The following CDK18 variants were observed in gnomAD, a reference collection of about 807,000 sequenced individuals.
CDK18 encodes the protein cyclin-dependent kinase 18.
A neutral mutation model predicts 62.0 loss-of-function variants in CDK18; 52 were observed. That is an observed-to-expected ratio of 0.84 (90% CI 0.67 to 1.06). CDK18 has a LOEUF of 1.06. Ranked by LOEUF, CDK18 falls within the 50% of genes least tolerant of loss-of-function variation. The pLI is 0.00. For missense variants in CDK18, 604 were observed against 619.9 expected, an observed-to-expected ratio of 0.97 and a Z score of 0.27; for synonymous variants, 237 against 247.0, an observed-to-expected ratio of 0.96 and a Z score of 0.38.
rs764850382 is a variant in CDK18 at position 205,531,389 on chromosome 1, C to T, written c.*11C>T. 93 of 1,613,260 alleles carry T rather than the reference C, an allele frequency of 5.8e-5. No homozygotes were observed. Among genetic ancestry groups the T allele is most frequent in the Non-Finnish European group, 7.0e-5 (82 of 1,179,266 alleles). On this transcript the variant is annotated 3_prime_UTR_variant, in exon 16 of 16. Coordinates refer to ENST00000429964, the MANE Select transcript of CDK18 (RefSeq NM_212502.3). ...CAGAGCATCTTCTGAGCCACGCCCA[C>T]CTTGCTGTGGCCAAGGGACAAGAGA...
At chr1:205,529,856 A>C (rs1004576302) in intron 13 of CDK18, 8 of 1,343,876 alleles carry the variant, frequency 6.0e-6, no homozygotes, top group Middle Eastern at 3.7e-4. Flanking sequence ...CTATTTTATA[A>C]GATGGCCGTG....
At position 205,523,669 on chromosome 1, in the gene CDK18, C is replaced by T. The variant is rs201468269; in HGVS notation, c.273+44C>T. On this transcript the variant is annotated intron_variant, in intron 3 of 15. Transcript: ENST00000429964. ...CTGCCCCGGCAGGTGGCAGGATGCA[C>T]GCACAAGGGTGTGCACAGGAGGGCA... 50 of 1,545,524 alleles carry T rather than the reference C, an allele frequency of 3.2e-5. No individual in the cohort carries two copies. In the African/African-American group the frequency reaches 4.8e-4, roughly 15 times the overall value.
In CDK18 at chr1:205,531,601, T is replaced by C. The variant is rs1307611895; in HGVS notation, c.*223T>C. On this transcript the variant is annotated 3_prime_UTR_variant, in exon 16 of 16. Coordinates refer to ENST00000429964, the MANE Select transcript of CDK18 (RefSeq NM_212502.3). ...CATACCAACCCCTCCTTTACCCACG[T>C]TGGGGCTGGCATAAGCTGCTTCCCT... is the stretch of plus-strand genomic sequence containing the variant. 1.2e-5 allele frequency: 7 copies of C among 564,158 alleles called. No individual in the cohort carries two copies. Among genetic ancestry groups the C allele is most frequent in the Non-Finnish European group, 2.0e-5 (6 of 307,482 alleles). 34.9% of individuals were successfully genotyped at this position (564,158 alleles called of 1,614,324 possible). A position where few individuals can be genotyped will look rare whatever the true frequency, so the allele number is the denominator to read the frequency against.
chr1:205,509,122 C>T (rs183615783), intron 1 of CDK18, among the ~76,000 whole-genome samples: 2 of 152,286 alleles, frequency 1.3e-5, no homozygotes, highest in East Asian at 3.9e-4. Flanking sequence ...GCACTCCAGC[C>T]TGGGCGAGAA....
intron 1 of CDK18, among the ~76,000 whole-genome samples, chr1:205,508,959 G>C (rs1298221866): frequency 2.6e-5 from 4 of 151,882 alleles, no homozygotes; most frequent in African/African-American, 9.7e-5. Context: ...GACCAGCCTG[G>C]CCAACATGAT....
chr1:205,507,035 C>A (rs372706636), intron 1 of CDK18, among the ~76,000 whole-genome samples: 11 of 152,210 alleles, frequency 7.2e-5, no homozygotes, highest in Non-Finnish European at 1.5e-4. Flanking sequence ...CTCGGGAATG[C>A]GTCCTACACT....
intron 1 of CDK18, among the ~76,000 whole-genome samples, chr1:205,515,208 G>A (rs56000727): frequency 0.14 from 18,145 of 130,284 alleles, 1,325 homozygotes; most frequent in Middle Eastern, 0.33. Context: ...ATGGAGTCTC[G>A]CTGCAACACC....
chr1:205,523,349 A>G, intron 2 of CDK18, 52 bp downstream of exon 2: 2 of 1,611,882 alleles, frequency 1.2e-6, no homozygotes, highest in South Asian at 1.1e-5. Context: ...GACACTCCCC[A>G]GTCACCTTCC....
chr1:205,520,764 T>C (rs1668081586), intron 1 of CDK18, among the ~76,000 whole-genome samples: 1 of 151,606 alleles, frequency 6.6e-6, no homozygotes, highest in Non-Finnish European at 1.5e-5. Context: ...CCATCTCCAC[T>C]CTCCTATCTT....
chr1:205,526,211 G>A lies in CDK18; in HGVS notation c.571+32G>A, dbSNP rs775483117. The A allele has an allele frequency of 1.1e-4, 178 of 1,588,084 alleles. 2 individuals carry two copies. The Middle Eastern group carries it at 1.5e-3, about 13-fold the overall frequency. On this transcript the variant is annotated intron_variant, in intron 6 of 15. Transcript: ENST00000429964. Reference sequence around the variant, plus strand: ...CATCCTAGGCTCCCACGCTCCCCTGGGGGCTTCAGGAGGAGGGGTTCACCA... The same window carrying A: ...CATCCTAGGCTCCCACGCTCCCCTGAGGGCTTCAGGAGGAGGGGTTCACCA...
In CDK18 at chr1:205,529,448, G is replaced by C; in HGVS notation, c.1178+19G>C. 6.2e-7 allele frequency: 1 copy of C among 1,611,634 alleles called. No homozygotes were observed. The highest frequency in any genetic ancestry group is 8.5e-7 in the Non-Finnish European group (1 of 1,178,494). Reference sequence around the variant, plus strand: ...CGCCCAGGTAGCCCCTGCGCCCGCCGCCCCTCCTGCTGCGGCCCTGGCTCT... The same window carrying C: ...CGCCCAGGTAGCCCCTGCGCCCGCCCCCCCTCCTGCTGCGGCCCTGGCTCT... On this transcript the variant is annotated intron_variant, in intron 12 of 15. Transcript: ENST00000429964.
At chr1:205,520,908 G>T (rs749664487) in intron 1 of CDK18, among the ~76,000 whole-genome samples, 2 of 152,056 alleles carry the variant, frequency 1.3e-5, no homozygotes, top group African/African-American at 4.8e-5. Flanking sequence ...GTGAGGCATG[G>T]TGGCTGCCCT....
intron 1 of CDK18, among the ~76,000 whole-genome samples, chr1:205,506,894 T>C (rs1455514765): frequency 2.0e-5 from 3 of 152,180 alleles, no homozygotes; most frequent in Non-Finnish European, 4.4e-5. Flanking sequence ...TGGTCTGAGA[T>C]CTCGTGGGAT....
intron 1 of CDK18, among the ~76,000 whole-genome samples, chr1:205,519,164 G>T (rs1184009506): frequency 6.6e-6 from 1 of 152,210 alleles, no homozygotes; most frequent in African/African-American, 2.4e-5. Context: ...CCCACTTGGG[G>T]GTGAGGGGTA....
intron 1 of CDK18, among the ~76,000 whole-genome samples, chr1:205,506,839 G>A (rs568175471): frequency 6.6e-6 from 1 of 152,276 alleles, no homozygotes; most frequent in Non-Finnish European, 1.5e-5. Flanking sequence ...CTTCTCCATG[G>A]GGCACAGGAG....
At chr1:205,518,678 G>A (rs1020629550) in intron 1 of CDK18, among the ~76,000 whole-genome samples, 11 of 152,222 alleles carry the variant, frequency 7.2e-5, no homozygotes, top group Admixed American at 2.0e-4. Context: ...GGCAAGGGAT[G>A]GGGATGGAGG....
chr1:205,527,726 T>C lies in CDK18; in HGVS notation c.730-68T>C. 6.5e-7 allele frequency: 1 copy of C among 1,539,492 alleles called. No homozygotes were observed. Among genetic ancestry groups the C allele is most frequent in the Non-Finnish European group, 8.9e-7 (1 of 1,120,732 alleles). ...CACTGCCAAGCCCCTGCCCCCATCC[T>C]GGTCCCAGCCTTGGAGCAGAGGCTC... is the stretch of plus-strand genomic sequence containing the variant. On this transcript the variant is annotated intron_variant, in intron 8 of 15. Coordinates refer to ENST00000429964, the MANE Select transcript of CDK18 (RefSeq NM_212502.3). This position sits in a 1 kb window ranked among gnomAD's most constrained non-coding sequence, Gnocchi z 4.1.
chr1:205,507,606 C>T (rs1389448879), intron 1 of CDK18, among the ~76,000 whole-genome samples: 1 of 132,048 alleles, frequency 7.6e-6, no homozygotes, highest in African/African-American at 2.8e-5. Context: ...TGTACTCCAG[C>T]CTGGGCGACA....
chr1:205,524,464 T>G, intron 4 of CDK18, 107 bp downstream of exon 4: 1 of 1,345,176 alleles, frequency 7.4e-7, no homozygotes, highest in East Asian at 2.3e-5. Context: ...GGAAGATTCC[T>G]GGGCCTCTGG....
Sources: gnomAD v4.1 joint callset for allele counts (sites outside exome capture counted in the v4.1 genomes callset) on GRCh38, gnomAD v4.1.1 for gene constraint, Gnocchi (gnomAD v3.1) non-coding constraint, MANE v1.5 for transcripts, NCBI Gene and HGNC (gene_info 2026-07-23, HGNC 2026-07-21) for gene names.